Variants in SCN11A observed in about 807,000 individuals in gnomAD.
SCN11A encodes sodium channel protein type 11 subunit alpha.
Under a neutral mutation model 162.2 loss-of-function variants are expected in SCN11A, and 122 were observed. That is an observed-to-expected ratio of 0.75 (90% CI 0.65 to 0.87). SCN11A has a LOEUF of 0.87. Ranked by LOEUF, SCN11A falls within the 40% of genes least tolerant of loss-of-function variation. SCN11A has a pLI of 0.00. For missense variants in SCN11A, 2,015 were observed against 2,181.6 expected (o/e 0.92, Z 1.52); for synonymous variants, 758 against 751.5 (o/e 1.01, Z -0.14).
intron 1 of SCN11A, among the ~76,000 whole-genome samples, chr3:39,050,989 A>G (rs2032343593): frequency 6.6e-6 from 1 of 152,198 alleles, no homozygotes; most frequent in African/African-American, 2.4e-5. Context: ...TCTTATAATT[A>G]GTGGTCAGGA....
At chr3:38,994,705 A>T (rs1575351123) in intron 2 of SCN11A, among the ~76,000 whole-genome samples, 1 of 152,292 alleles carries the variant, frequency 6.6e-6, no homozygotes, top group African/African-American at 2.4e-5. Context: ...AAGCCAAAGC[A>T]TGGGGAGTGT....
chr3:38,950,283 A>G lies in SCN11A; in HGVS notation c.80T>C (p.Ile27Thr), dbSNP rs763542393. 4 of 1,613,664 alleles carry G rather than the reference A, an allele frequency of 2.5e-6. No homozygotes were observed. Among genetic ancestry groups the G allele is most frequent in the South Asian group, 1.1e-5 (1 of 91,056 alleles). Residue 27 changes from isoleucine to threonine, a missense_variant, in exon 5 of 30, where the codon ATT becomes ACT. Ile to Thr is a moderately conservative substitution (Grantham distance 89, BLOSUM62 -1). Transcript: ENST00000302328. ...CTTTTGGATGGCAATCCGCTTCTCAATTGCAGCCAGAGAGTCGGAAGTGAA... is the reference window on the plus strand; with the variant it reads ...CTTTTGGATGGCAATCCGCTTCTCAGTTGCAGCCAGAGAGTCGGAAGTGAA... Reference protein sequence around the residue: ...RPFTSDSLAAIEKRIAIQKEK... With the variant: ...RPFTSDSLAATEKRIAIQKEK...
chr3:39,034,533 G>A (rs984883278), intron 1 of SCN11A, among the ~76,000 whole-genome samples: 3 of 152,152 alleles, frequency 2.0e-5, no homozygotes, highest in African/African-American at 7.2e-5. Context: ...GTCTTTCCTC[G>A]AAGATCTGGA....
chr3:38,859,637 T>C (rs1168064923), intron 28 of SCN11A, among the ~76,000 whole-genome samples: 2 of 152,024 alleles, frequency 1.3e-5, no homozygotes, highest in Non-Finnish European at 2.9e-5. Context: ...ATTTGCAAAA[T>C]TATAACTGAG....
chr3:38,915,134 T>C (rs1045966259), intron 11 of SCN11A, among the ~76,000 whole-genome samples: 2 of 152,246 alleles, frequency 1.3e-5, no homozygotes, highest in Admixed American at 6.5e-5. Context: ...CTATTTATTA[T>C]AGATTCAATT....
intron 2 of SCN11A, among the ~76,000 whole-genome samples, chr3:38,985,117 T>A (rs1280409394): frequency 6.8e-6 from 1 of 147,632 alleles, no homozygotes; most frequent in East Asian, 2.0e-4. Context: ...AATGTCTTTC[T>A]GGCTGGCTGT....
intron 2 of SCN11A, among the ~76,000 whole-genome samples, chr3:38,968,616 A>G (rs765591694): frequency 6.6e-6 from 1 of 152,102 alleles, no homozygotes; most frequent in Non-Finnish European, 1.5e-5. Context: ...GCACACACAC[A>G]TATGCTTACA....
chr3:38,897,365 T>C, intron 17 of SCN11A, 140 bp from the exon 18 acceptor site: 1 of 741,226 alleles, frequency 1.3e-6, no homozygotes, highest in Admixed American at 3.1e-5. Flanking sequence ...ATCCTGAACA[T>C]AGCCATCAGA....
intron 5 of SCN11A, among the ~76,000 whole-genome samples, chr3:38,948,527 G>A (rs2066552141): frequency 6.6e-6 from 1 of 152,176 alleles, no homozygotes; most frequent in Non-Finnish European, 1.5e-5. Flanking sequence ...TTGCATCCTA[G>A]CTCCACCACT....
chr3:38,968,076 C>T (rs2066793907), intron 2 of SCN11A, among the ~76,000 whole-genome samples: 1 of 152,220 alleles, frequency 6.6e-6, no homozygotes, highest in African/African-American at 2.4e-5. Flanking sequence ...TTCTGACCCT[C>T]ATGGAGTAGA....
At chr3:39,033,393 T>C (rs114878975) in intron 1 of SCN11A, among the ~76,000 whole-genome samples, 2,184 of 152,338 alleles carry the variant, frequency 0.014, 19 homozygotes, top group Non-Finnish European at 0.018. Context: ...ACAATCTACA[T>C]TTTATTGCAC....
chr3:38,928,332 T>C (rs903051965), intron 7 of SCN11A, among the ~76,000 whole-genome samples: 1 of 146,476 alleles, frequency 6.8e-6, no homozygotes, highest in Non-Finnish European at 1.5e-5. Flanking sequence ...TAAGAACACA[T>C]GGACACAGGG....
At chr3:38,920,855 C>G (rs1222075218) in intron 10 of SCN11A, among the ~76,000 whole-genome samples, 1 of 152,078 alleles carries the variant, frequency 6.6e-6, no homozygotes, top group Non-Finnish European at 1.5e-5. Flanking sequence ...CATAGAATTG[C>G]TCTTGTGGAT....
chr3:38,925,031 C>G (rs1326601415), intron 9 of SCN11A, among the ~76,000 whole-genome samples: 1 of 152,084 alleles, frequency 6.6e-6, no homozygotes, highest in Non-Finnish European at 1.5e-5. Context: ...AAACTGCAAC[C>G]TCCTTCCCCT....
chr3:38,927,066 A>G (rs1409918403), intron 7 of SCN11A, 135 bp from the exon 8 acceptor site: 9 of 822,746 alleles, frequency 1.1e-5, no homozygotes, highest in Non-Finnish European at 1.7e-5. Flanking sequence ...TCAGCAAACC[A>G]GAGTTCAAAA....
rs2065616820 is a variant in SCN11A at position 38,897,161 on chromosome 3, T to G, written c.2087A>C (p.Asn696Thr). Residue 696 changes from asparagine to threonine, a missense_variant, in exon 18 of 30, where the codon AAC (asparagine) becomes ACC (threonine). Coordinates refer to ENST00000302328, the MANE Select transcript of SCN11A (RefSeq NM_001349253.2). ...TLNTLIKIIG[N>T]SVGALGSLTV... ...CAGGCTTCCAAGGGCTCCGACAGAG[T>G]TGCCGATTATCTTAATTAGTGTGTT... The G allele has an allele frequency of 6.2e-7, 1 of 1,613,744 alleles. No homozygotes were observed. The highest frequency in any genetic ancestry group is 2.2e-5 in the East Asian group (1 of 44,870).
chr3:39,025,423 G>A (rs146189852), intron 2 of SCN11A, among the ~76,000 whole-genome samples: 6 of 152,292 alleles, frequency 3.9e-5, no homozygotes, highest in African/African-American at 1.2e-4. Context: ...AGCACAGGAC[G>A]CGCAGCTGGT....
Position 38,909,158 on chromosome 3 carries a change from A to G in SCN11A, c.1138T>C (p.Phe380Leu). The G allele has an allele frequency of 6.2e-7, 1 of 1,614,078 alleles. No individual in the cohort carries two copies. The highest frequency in any genetic ancestry group is 8.5e-7 in the Non-Finnish European group (1 of 1,179,938). ...GAGCCCAGGAAAATGACCACAATGA[A>G]GAAGAAGACTGAGTAGAGCCCAGTA... ...RTTGLYSVFF[F>L]IVVIFLGSFY... is the part of the protein sequence containing the mutation. The change falls in exon 13 of 30, where the codon TTC becomes CTC. Residue 380 changes from phenylalanine to leucine, a missense_variant. By Grantham distance (22) the Phe-to-Leu change is conservative (BLOSUM62 0). Transcript: ENST00000302328.
At chr3:38,996,812 T>C (rs1575352140) in intron 2 of SCN11A, among the ~76,000 whole-genome samples, 1 of 152,174 alleles carries the variant, frequency 6.6e-6, no homozygotes, top group East Asian at 1.9e-4. Context: ...TGGTGGTGCA[T>C]GCCTGTAGTC....
Sources: gnomAD v4.1 joint callset for allele counts (sites outside exome capture counted in the v4.1 genomes callset) on GRCh38, gnomAD v4.1.1 for gene constraint, MANE v1.5 for transcripts, NCBI Gene and HGNC (gene_info 2026-07-23, HGNC 2026-07-21) for gene names.